SELENOI: variants seen among roughly 807,000 people sequenced by gnomAD.
SELENOI encodes the protein ethanolaminephosphotransferase 1.
SELENOI carries 24 observed loss-of-function variants against 50.7 expected under a neutral mutation model. The observed-to-expected ratio is 0.47, with a 90% CI of 0.34 to 0.67. SELENOI has a LOEUF of 0.67. SELENOI is among the 30% of genes least tolerant of loss of function. SELENOI has a pLI of 0.01. For missense variants in SELENOI, 352 were observed against 461.4 expected (o/e 0.76, Z 2.17); for synonymous variants, 155 against 170.2 (o/e 0.91, Z 0.70).
intron 1 of SELENOI, among the ~76,000 whole-genome samples, chr2:26,364,078 CTTTTTT>C (rs59396679): frequency 2.6e-5 from 3 of 114,926 alleles, no homozygotes; most frequent in Non-Finnish European, 5.3e-5. Context: ...CTTTCTCCCC[CTTTTTT>C]TTTTTTTTTT....
chr2:26,363,400 A>C (rs2147949428), intron 1 of SELENOI, among the ~76,000 whole-genome samples: 1 of 152,314 alleles, frequency 6.6e-6, no homozygotes, highest in East Asian at 1.9e-4. Context: ...GTTGAGAGGG[A>C]TGAAGGAGGT....
intron 6 of SELENOI, among the ~76,000 whole-genome samples, chr2:26,378,635 G>A (rs1339913664): frequency 6.6e-6 from 1 of 152,212 alleles, no homozygotes; most frequent in African/African-American, 2.4e-5. Context: ...GGCAAGCCAC[G>A]AACTCAGAGT....
chr2:26,364,751 G>A (rs1417609637), intron 2 of SELENOI, 81 bp from the exon 3 acceptor site: 6 of 930,162 alleles, frequency 6.5e-6, no homozygotes, highest in Non-Finnish European at 9.6e-6. Context: ...CTTTTATTAT[G>A]ACTTCAGTTT....
intron 1 of SELENOI, among the ~76,000 whole-genome samples, chr2:26,359,372 G>A (rs1287505971): frequency 6.6e-6 from 1 of 152,194 alleles, no homozygotes; most frequent in African/African-American, 2.4e-5. Flanking sequence ...GCCTGGTGTA[G>A]TGGTACTTGC....
rs1677539452 is a variant in SELENOI, at chr2:26,375,113, T to A, written c.647T>A (p.Phe216Tyr). The stretch of plus-strand genomic sequence containing the variant: ...TGGTATGAACCTTTCCTGTTTAATT[T>A]CTTATATAGAGACCTATTCACTGCA... ...EAWYEPFLFN[F>Y]LYRDLFTAMI... The change falls in exon 6 of 10, where the codon TTC becomes TAC. Residue 216 changes from phenylalanine (F) to tyrosine (Y), a missense_variant. Physicochemically the swap from Phe to Tyr is conservative, Grantham distance 22 (BLOSUM62 3). Transcript: ENST00000260585. 4 of 1,612,584 alleles carry A rather than the reference T, an allele frequency of 2.5e-6. No individual in the cohort carries two copies. The African/African-American group carries it at 4.0e-5, about 16-fold the overall frequency.
chr2:26,347,472 T>A (rs1460571253), intron 1 of SELENOI, among the ~76,000 whole-genome samples: 1 of 151,966 alleles, frequency 6.6e-6, no homozygotes, highest in Non-Finnish European at 1.5e-5. Context: ...GAAGGTCACA[T>A]AGCATGTTTC....
At chr2:26,372,619 T>C (rs936901254) in intron 4 of SELENOI, among the ~76,000 whole-genome samples, 13 of 152,220 alleles carry the variant, frequency 8.5e-5, no homozygotes, top group Admixed American at 6.5e-5. Flanking sequence ...CAGGATAGAA[T>C]AGATGTTGTG....
In SELENOI at chr2:26,392,504, G is replaced by C. The variant is rs978972254; in HGVS notation, c.*3401G>C. Reference sequence around the variant, plus strand: ...AGCCTATTTGTAATTCTTCCTCTTCGTTCTTCACCTGGGTTTCCTCTTATC... The same window carrying C: ...AGCCTATTTGTAATTCTTCCTCTTCCTTCTTCACCTGGGTTTCCTCTTATC... On this transcript the variant is annotated 3_prime_UTR_variant, in exon 10 of 10. Transcript: ENST00000260585. 13 of 151,918 alleles carry C rather than the reference G, an allele frequency of 8.6e-5. No homozygotes were observed. Among genetic ancestry groups the C allele is most frequent in the African/African-American group, 3.1e-4 (13 of 41,312 alleles). 9.4% of individuals were successfully genotyped at this position (151,918 alleles called of 1,614,324 possible).
intron 5 of SELENOI, among the ~76,000 whole-genome samples, chr2:26,373,945 T>A (rs1267466997): frequency 6.6e-6 from 1 of 152,074 alleles, no homozygotes; most frequent in Non-Finnish European, 1.5e-5. Context: ...AGAGACAGGG[T>A]TTCACTATGT....
chr2:26,374,944 C>A, intron 5 of SELENOI, 96 bp from the exon 6 acceptor site: 1 of 789,682 alleles, frequency 1.3e-6, no homozygotes. Context: ...TTTACTAAAA[C>A]TGTTTGACTT....
At chr2:26,373,123 A>T (rs1030572263) in intron 4 of SELENOI, among the ~76,000 whole-genome samples, 7 of 152,228 alleles carry the variant, frequency 4.6e-5, no homozygotes, top group African/African-American at 1.4e-4. Flanking sequence ...TTGTGGGCTC[A>T]AGTGATCCTC....
At chr2:26,379,366 A>G (rs1012339646) in intron 6 of SELENOI, among the ~76,000 whole-genome samples, 1 of 152,144 alleles carries the variant, frequency 6.6e-6, no homozygotes, top group Non-Finnish European at 1.5e-5. Flanking sequence ...GGCCAATAGA[A>G]TTCTTAGATT....
intron 5 of SELENOI, among the ~76,000 whole-genome samples, chr2:26,374,397 A>G (rs1250284513): frequency 1.3e-5 from 2 of 152,144 alleles, no homozygotes; most frequent in Non-Finnish European, 2.9e-5. Flanking sequence ...AGTCTCCAGT[A>G]AAGAAATCAG....
At chr2:26,379,613 T>C (rs1312654491) in intron 6 of SELENOI, among the ~76,000 whole-genome samples, 1 of 152,084 alleles carries the variant, frequency 6.6e-6, no homozygotes, top group African/African-American at 2.4e-5. Flanking sequence ...TATATATATA[T>C]ATATATTTTA....
intron 3 of SELENOI, 100 bp from the exon 4 acceptor site, chr2:26,367,046 T>G: frequency 9.9e-7 from 1 of 1,007,910 alleles, no homozygotes; most frequent in Non-Finnish European, 1.4e-6. Flanking sequence ...TACTTTAACT[T>G]CTAATGAACA....
At chr2:26,346,880 T>A (rs1171159831) in intron 1 of SELENOI, 1 of 152,240 alleles carries the variant, frequency 6.6e-6, no homozygotes, top group Non-Finnish European at 1.5e-5. Context: ...CAAACCTGAT[T>A]ACAAAAGTCA....
rs181702045 is a variant in SELENOI, at chr2:26,366,027, C to G, written c.235+1087C>G. ...TGTTGGCCAGGCTGGTCTCAAACTC[C>G]TGACCTCAAATGATCCACCCGCCTT... On this transcript the variant is annotated intron_variant, in intron 3 of 9. Coordinates refer to ENST00000260585, the MANE Select transcript of SELENOI (RefSeq NM_033505.4). 6.4e-3 allele frequency among the ~76,000 whole-genome samples: 975 copies of G among 152,204 alleles called. 9 individuals carry two copies. The highest frequency in any genetic ancestry group is 0.049 in the South Asian group (235 of 4,822).
At chr2:26,375,839 G>C (rs954047717) in intron 6 of SELENOI, among the ~76,000 whole-genome samples, 22 of 152,114 alleles carry the variant, frequency 1.4e-4, no homozygotes, top group African/African-American at 5.3e-4. Context: ...ACACACAGTG[G>C]CTCATGCCTG....
In SELENOI at chr2:26,389,022, C is replaced by T; in HGVS notation, c.1113C>T (p.Ser371=). The T allele has an allele frequency of 6.3e-7, 1 of 1,587,382 alleles. No individual in the cohort carries two copies. Among genetic ancestry groups the T allele is most frequent in the South Asian group, 1.2e-5 (1 of 86,956 alleles). The change falls in exon 10 of 10, where the codon AGC becomes AGT. Residue 371 remains serine (S), a synonymous_variant. Transcript: ENST00000260585. ...TTTCATAGGTAAAGCAGCTGAGCAG[C>T]CATTTTCAGATTTACCCCTTCTCAT... The part of the protein sequence containing the change: ...YGVRVVKQLS[S]HFQIYPFSLR...
Sources: gnomAD v4.1 joint callset for allele counts (sites outside exome capture counted in the v4.1 genomes callset) on GRCh38, gnomAD v4.1.1 for gene constraint, MANE v1.5 for transcripts, NCBI Gene and HGNC (gene_info 2026-07-23, HGNC 2026-07-21) for gene names.